Variants in GIT2 observed in about 807,000 individuals in gnomAD.
GIT2 encodes the protein GIT ArfGAP 2.
In GIT2, 32 loss-of-function variants were observed where a neutral mutation model predicts 100.3. That is an observed-to-expected ratio of 0.32 (90% CI 0.24 to 0.43). The LOEUF is 0.43. GIT2 is among the 20% of genes least tolerant of loss of function. The pLI is 1.00. For missense variants in GIT2, 737 were observed against 975.1 expected (o/e 0.76, Z 3.25); for synonymous variants, 353 against 364.1 (o/e 0.97, Z 0.35).
chr12:109,983,015 A>C, intron 6 of GIT2: 1 of 183,662 alleles, frequency 5.4e-6, no homozygotes, highest in Non-Finnish European at 1.1e-5. Context: ...GTTTAATCAC[A>C]TATCTATGTA....
chr12:109,934,248 C>T lies in GIT2; in HGVS notation c.2004-163G>A. ...CACCAGAGGGCACATGGTTATAAAG[C>T]AGGACTCTCATTGCTTCCTAAAAGT... On this transcript the variant is annotated intron_variant, in intron 18 of 19. Transcript: ENST00000355312. This position sits in a 1 kb window ranked among gnomAD's most constrained non-coding sequence, Gnocchi z 4.5. 1 of 603,552 alleles carries T rather than the reference C, an allele frequency of 1.7e-6. No homozygotes were observed. Among genetic ancestry groups the T allele is most frequent in the Non-Finnish European group, 3.0e-6 (1 of 333,526 alleles). The allele number at this position is 603,552 out of a possible 1,614,324, so 37.4% of individuals were successfully genotyped here. A position where few individuals can be genotyped will look rare whatever the true frequency, so the allele number is the denominator to read the frequency against.
intron 1 of GIT2, among the ~76,000 whole-genome samples, chr12:109,994,010 TG>T (rs976685331): frequency 2.8e-5 from 4 of 144,060 alleles, no homozygotes; most frequent in African/African-American, 1.1e-4. Flanking sequence ...AATGTCCAGA[TG>T]AAGGAGCTCT....
rs1886214813 is a variant in GIT2 at position 109,981,028 on chromosome 12, C to T, written c.642G>A (p.Glu214=). 4 of 1,610,466 alleles carry T rather than the reference C, an allele frequency of 2.5e-6. No homozygotes were observed. The highest frequency in any genetic ancestry group is 3.4e-6 in the Non-Finnish European group (4 of 1,176,612). The change falls in exon 7 of 20, where the codon GAG becomes GAA. Residue 214 remains glutamate, a synonymous_variant. Transcript: ENST00000355312. The part of the protein sequence containing the change: ...VDYARQGGHH[E]LAERLVEIQY... ...GTATTTCCACGAGGCGCTCTGCCAG[C>T]TCATGGTGCCCTCCTTGCCTACCAA...
Position 109,947,230 on chromosome 12 carries a change from G to A in GIT2, c.1641+26C>T. 6.2e-7 allele frequency: 1 copy of A among 1,601,892 alleles called. No homozygotes were observed. Among genetic ancestry groups the A allele is most frequent in the South Asian group, 1.1e-5 (1 of 89,626 alleles). On this transcript the variant is annotated intron_variant, in intron 15 of 19. Transcript: ENST00000355312. This position sits in a 1 kb window ranked among gnomAD's most constrained non-coding sequence, Gnocchi z 4.3. ...GTAGACAGGCTGCATAGAGTGAACAGCAGAAGCGCCAGTGGTGTTACTTAC... is the reference window on the plus strand; with the variant it reads ...GTAGACAGGCTGCATAGAGTGAACAACAGAAGCGCCAGTGGTGTTACTTAC...
chr12:109,941,191 A>C (rs1247085000), intron 16 of GIT2, among the ~76,000 whole-genome samples: 1 of 152,192 alleles, frequency 6.6e-6, no homozygotes, highest in African/African-American at 2.4e-5. Flanking sequence ...AAAATTCACT[A>C]TGAACTCGTG....
At position 109,948,872 on chromosome 12, in the gene GIT2, A is replaced by C. The variant is rs1355466542; in HGVS notation, c.1393-1368T>G. 1.3e-6 allele frequency: 2 copies of C among 1,508,272 alleles called. No individual in the cohort carries two copies. Among genetic ancestry groups the C allele is most frequent in the Non-Finnish European group, 1.8e-6 (2 of 1,091,728 alleles). The allele number at this position is 1,508,272 out of a possible 1,614,324, so 93.4% of individuals were successfully genotyped here. On this transcript the variant is annotated intron_variant, in intron 14 of 19. Transcript: ENST00000355312. This position sits in a 1 kb window ranked among gnomAD's most constrained non-coding sequence, Gnocchi z 4.3. ...CTGTTAAATGTGAAAGATCAGATAC[A>C]AATCATGCTACTTTGTCAACTTTAT...
chr12:109,996,259 C>T lies in GIT2; in HGVS notation c.-35G>A, dbSNP rs1244383958. On this transcript the variant is annotated 5_prime_UTR_variant, in exon 1 of 20. Coordinates refer to ENST00000355312, the MANE Select transcript of GIT2 (RefSeq NM_057169.5). ...CTCCCACCTGCGGGGAACTAGAGGCCGGGGGACAGCAAAGGCGGCGGTGGC... is the reference window on the plus strand; with the variant it reads ...CTCCCACCTGCGGGGAACTAGAGGCTGGGGGACAGCAAAGGCGGCGGTGGC... The T allele has an allele frequency of 1.4e-6, 2 of 1,471,028 alleles. No individual in the cohort carries two copies. Among genetic ancestry groups the T allele is most frequent in the Middle Eastern group, 3.5e-4 (2 of 5,744 alleles). 91.1% of individuals were successfully genotyped at this position (1,471,028 alleles called of 1,614,324 possible).
At chr12:109,944,366 A>G (rs1277515274) in intron 16 of GIT2, among the ~76,000 whole-genome samples, 4 of 152,112 alleles carry the variant, frequency 2.6e-5, no homozygotes, top group African/African-American at 9.7e-5. Context: ...CTTACCTTAC[A>G]TTACCCTTCC....
At chr12:109,967,809 C>T (rs1342404334) in intron 7 of GIT2, among the ~76,000 whole-genome samples, 7 of 152,206 alleles carry the variant, frequency 4.6e-5, no homozygotes, top group African/African-American at 1.7e-4. Flanking sequence ...GCTGAGGGAG[C>T]TGAATCAGCT....
In GIT2 at chr12:109,948,898, G is replaced by A; in HGVS notation, c.1393-1394C>T. 7.6e-7 allele frequency: 1 copy of A among 1,312,824 alleles called. No individual in the cohort carries two copies. The highest frequency in any genetic ancestry group is 1.1e-6 in the Non-Finnish European group (1 of 927,660). 81.3% of individuals were successfully genotyped at this position (1,312,824 alleles called of 1,614,324 possible). A position where few individuals can be genotyped will look rare whatever the true frequency, so the allele number is the denominator to read the frequency against. ...AATCATGCTACTTTGTCAACTTTAT[G>A]TATATTAAAAACTTTACCCAACTTT... is the stretch of plus-strand genomic sequence containing the variant. On this transcript the variant is annotated intron_variant, in intron 14 of 19. Transcript: ENST00000355312. This position sits in a 1 kb window ranked among gnomAD's most constrained non-coding sequence, Gnocchi z 4.3.
intron 11 of GIT2, among the ~76,000 whole-genome samples, chr12:109,960,776 T>C (rs1465371498): frequency 6.6e-6 from 1 of 152,216 alleles, no homozygotes; most frequent in Non-Finnish European, 1.5e-5. Context: ...CATAAATCTA[T>C]TTTTATTTTA....
intron 16 of GIT2, 164 bp from the exon 17 acceptor site, chr12:109,939,411 G>A: frequency 1.9e-6 from 1 of 536,006 alleles, no homozygotes; most frequent in Non-Finnish European, 3.4e-6. Flanking sequence ...ATGAATATTG[G>A]ATCCAGAAAT....
rs1876067413 is a variant in GIT2 at position 109,945,431 on chromosome 12, T to A, written c.1642-82A>T. 1.9e-5 allele frequency: 14 copies of A among 733,870 alleles called. No homozygotes were observed. In the East Asian group the frequency reaches 3.8e-4, roughly 20 times the overall value. 45.5% of individuals were successfully genotyped at this position (733,870 alleles called of 1,614,324 possible). On this transcript the variant is annotated intron_variant, in intron 15 of 19. Coordinates refer to ENST00000355312, the MANE Select transcript of GIT2 (RefSeq NM_057169.5). ...CACCTTGCCAGCTTCAGTAAAAGAA[T>A]CCTGGAACACCACACATTATGTGAC...
At chr12:109,999,565 G>A (rs1406218905), upstream of GIT2, 4 of 687,038 alleles carry the variant, frequency 5.8e-6, no homozygotes, top group Non-Finnish European at 8.2e-6. The surrounding 1 kb of genome is among the most constrained non-coding windows in gnomAD (Gnocchi z 4.3). Context: ...TCAGCCGGCC[G>A]GCAGCGTAAC....
chr12:109,946,938 AGAAG>A (rs1876504900), intron 15 of GIT2, among the ~76,000 whole-genome samples: 1 of 152,178 alleles, frequency 6.6e-6, no homozygotes, highest in South Asian at 2.1e-4. Flanking sequence ...TTGGAAGTAG[AGAAG>A]GAAGGAAGCT....
chr12:109,950,826 G>A (rs991974527), intron 14 of GIT2: 3 of 211,096 alleles, frequency 1.4e-5, no homozygotes, highest in African/African-American at 2.3e-5. Flanking sequence ...CATTGGCTCT[G>A]TCTCCATGGT....
intron 7 of GIT2, among the ~76,000 whole-genome samples, chr12:109,968,915 G>C (rs1052318527): frequency 4.0e-5 from 6 of 151,778 alleles, no homozygotes; most frequent in Non-Finnish European, 8.8e-5. Context: ...GTAGAAACAG[G>C]GTTTCGCCAC....
At chr12:109,958,838 A>G (rs182673250) in intron 12 of GIT2, among the ~76,000 whole-genome samples, 17 of 152,352 alleles carry the variant, frequency 1.1e-4, no homozygotes, top group Admixed American at 9.8e-4. Flanking sequence ...ATAGGGCTGG[A>G]GAGGAAGGAC....
intron 8 of GIT2, among the ~76,000 whole-genome samples, chr12:109,966,608 T>G (rs1882521318): frequency 6.6e-6 from 1 of 151,642 alleles, no homozygotes; most frequent in Admixed American, 6.6e-5. Context: ...GTCCCGGAGT[T>G]TGCAACCAGC....
Sources: allele counts gnomAD v4.1 joint callset (sites outside exome capture counted in the v4.1 genomes callset), GRCh38; gene constraint gnomAD v4.1.1; non-coding constraint Gnocchi (gnomAD v3.1); transcripts MANE v1.5; gene names NCBI Gene and HGNC (gene_info 2026-07-23, HGNC 2026-07-21).